The following KIF26B variants were observed in gnomAD, a reference collection of about 807,000 sequenced individuals.
KIF26B encodes the protein kinesin family member 26B, also known as kinesin-like protein KIF26B.
KIF26B carries 63 observed loss-of-function variants against 151.2 expected under a neutral mutation model. That is an observed-to-expected ratio of 0.42 (90% confidence interval 0.34 to 0.51). KIF26B has a LOEUF of 0.51. KIF26B is among the 20% of genes least tolerant of loss of function. KIF26B has a pLI of 0.07. For missense variants in KIF26B, 2,813 were observed against 2,913.6 expected (o/e 0.97, Z 0.79); for synonymous variants, 1,357 against 1,262.1 (o/e 1.08, Z -1.59).
At chr1:245,661,028 C>G (rs2044131522) in intron 10 of KIF26B, among the ~76,000 whole-genome samples, 2 of 145,068 alleles carry the variant, frequency 1.4e-5, no homozygotes, top group Non-Finnish European at 3.0e-5. Flanking sequence ...ACTCTGTTGT[C>G]CGGGCTGGAG....
At chr1:245,263,553 G>GGC (rs1402245970) in intron 2 of KIF26B, among the ~76,000 whole-genome samples, 2 of 152,176 alleles carry the variant, frequency 1.3e-5, no homozygotes, top group Admixed American at 1.3e-4. Context: ...GTGCTAGGAG[G>GGC]GCACTAGGGA....
At chr1:245,158,578 C>T (rs752989941) in intron 2 of KIF26B, among the ~76,000 whole-genome samples, 4 of 152,152 alleles carry the variant, frequency 2.6e-5, no homozygotes, top group Non-Finnish European at 5.9e-5. Flanking sequence ...TTCGAGTGAT[C>T]CAAGGACATC....
chr1:245,365,329 C>A (rs1430147441), intron 2 of KIF26B, among the ~76,000 whole-genome samples: 1 of 152,200 alleles, frequency 6.6e-6, no homozygotes. Flanking sequence ...TCCTGAGCCA[C>A]CCCTTGCTGC....
intron 4 of KIF26B, among the ~76,000 whole-genome samples, chr1:245,438,920 A>G (rs1360597299): frequency 6.6e-6 from 1 of 152,210 alleles, no homozygotes; most frequent in Non-Finnish European, 1.5e-5. Flanking sequence ...ACCGATTACA[A>G]AGGGCTGTGA....
chr1:245,491,695 G>A (rs1049453244), intron 4 of KIF26B, among the ~76,000 whole-genome samples: 7 of 152,148 alleles, frequency 4.6e-5, no homozygotes, highest in African/African-American at 1.7e-4. Context: ...ATCAACTGAG[G>A]TCAGGAGCTC....
At chr1:245,303,487 C>T (rs954647818) in intron 2 of KIF26B, among the ~76,000 whole-genome samples, 5 of 151,036 alleles carry the variant, frequency 3.3e-5, no homozygotes, top group East Asian at 3.9e-4. Flanking sequence ...CGTAAGCCAC[C>T]GCGCCCGGCC....
chr1:245,286,527 G>A (rs1671166420), intron 2 of KIF26B, among the ~76,000 whole-genome samples: 1 of 152,200 alleles, frequency 6.6e-6, no homozygotes, highest in Admixed American at 6.5e-5. Context: ...GGGCGACAGA[G>A]TGAGACCCTG....
At chr1:245,156,163 C>T (rs1004095173) in intron 1 of KIF26B, 119 bp from the exon 2 acceptor site, 13 of 1,427,180 alleles carry the variant, frequency 9.1e-6, no homozygotes, top group Non-Finnish European at 1.2e-5. Flanking sequence ...TTGGAGAGGT[C>T]CCCAACCGAC....
Position 245,520,437 on chromosome 1 carries a change from A to C in KIF26B, c.1167-20330A>C, listed in dbSNP as rs145148306. Among the ~76,000 whole-genome samples, 608 of 152,336 alleles carry C rather than the reference A, an allele frequency of 4.0e-3. 5 individuals carry two copies. The highest frequency in any genetic ancestry group is 0.014 in the African/African-American group (594 of 41,576). On this transcript the variant is annotated intron_variant, in intron 4 of 14. Transcript: ENST00000407071. Reference sequence around the variant, plus strand: ...TTTTATGAACATGATAGCCTGAAGAAACCCATACCAAGAAATATTTTACGT... The same window carrying C: ...TTTTATGAACATGATAGCCTGAAGACACCCATACCAAGAAATATTTTACGT...
intron 3 of KIF26B, among the ~76,000 whole-genome samples, chr1:245,388,910 A>G (rs1480718121): frequency 6.6e-6 from 1 of 151,990 alleles, no homozygotes; most frequent in Non-Finnish European, 1.5e-5. Context: ...CCTGTAATTG[A>G]CTCTGGGACA....
At chr1:245,308,494 T>G (rs1340988242) in intron 2 of KIF26B, among the ~76,000 whole-genome samples, 1 of 152,140 alleles carries the variant, frequency 6.6e-6, no homozygotes, top group East Asian at 1.9e-4. Context: ...TGCTCTAAAA[T>G]AAACTTGAAG....
chr1:245,589,156 T>G (rs575843701), intron 5 of KIF26B, among the ~76,000 whole-genome samples: 1 of 152,296 alleles, frequency 6.6e-6, no homozygotes, highest in East Asian at 1.9e-4. Context: ...AAAGATCCCT[T>G]CGGTGGTTTT....
intron 4 of KIF26B, among the ~76,000 whole-genome samples, chr1:245,503,746 G>A (rs1368271990): frequency 6.6e-6 from 1 of 152,216 alleles, no homozygotes; most frequent in Non-Finnish European, 1.5e-5. Context: ...GCTAGAACTT[G>A]GTTTTGCTCT....
At chr1:245,515,951 G>T (rs1163835403) in intron 4 of KIF26B, among the ~76,000 whole-genome samples, 3 of 152,214 alleles carry the variant, frequency 2.0e-5, no homozygotes, top group African/African-American at 7.2e-5. Flanking sequence ...CATGGAGGCA[G>T]CATGGTCAGG....
intron 9 of KIF26B, among the ~76,000 whole-genome samples, chr1:245,620,406 A>AT (rs67445294): frequency 1.3e-5 from 2 of 150,538 alleles, no homozygotes; most frequent in African/African-American, 2.4e-5. Flanking sequence ...GTTAAAAAAA[A>AT]TTTTTTTTTT....
intron 2 of KIF26B, among the ~76,000 whole-genome samples, chr1:245,310,524 G>C (rs1010116713): frequency 7.2e-5 from 11 of 152,220 alleles, no homozygotes; most frequent in Admixed American, 7.2e-4. Flanking sequence ...AGGTCACCTA[G>C]CTAGGAAACG....
At chr1:245,683,826 T>C (rs1306114180) in intron 10 of KIF26B, among the ~76,000 whole-genome samples, 1 of 152,186 alleles carries the variant, frequency 6.6e-6, no homozygotes, top group Non-Finnish European at 1.5e-5. Context: ...TGTTGCAAGA[T>C]TGTCTGTGTG....
intron 4 of KIF26B, among the ~76,000 whole-genome samples, chr1:245,437,547 G>A (rs966627273): frequency 6.6e-6 from 1 of 152,122 alleles, no homozygotes; most frequent in East Asian, 1.9e-4. Flanking sequence ...CTTTAAACCC[G>A]GGCGTGTGAG....
chr1:245,538,299 C>A (rs1661529626), intron 4 of KIF26B, among the ~76,000 whole-genome samples: 1 of 152,008 alleles, frequency 6.6e-6, no homozygotes, highest in Admixed American at 6.6e-5. Context: ...GTTTTGCGGC[C>A]AAGATGGGCA....
Sources: gnomAD v4.1 joint callset for allele counts (sites outside exome capture counted in the v4.1 genomes callset) on GRCh38, gnomAD v4.1.1 for gene constraint, MANE v1.5 for transcripts, NCBI Gene and HGNC (gene_info 2026-07-23, HGNC 2026-07-21) for gene names.